Variants in ANKRD30B observed in about 807,000 individuals in gnomAD.
ANKRD30B encodes ankyrin repeat domain 30B.
ANKRD30B carries 144 observed loss-of-function variants against 202.2 expected under a neutral mutation model. That is an observed-to-expected ratio of 0.71 (90% CI 0.62 to 0.82). The LOEUF (loss-of-function observed/expected upper bound fraction) is 0.82, where lower values mean the gene tolerates loss of function less well. Ranked by LOEUF, ANKRD30B falls within the 40% of genes least tolerant of loss-of-function variation. The pLI is 0.00. For synonymous variants in ANKRD30B, 508 were observed against 561.3 expected (o/e 0.91, Z 1.34); for missense variants, 1,487 against 1,669.1 (o/e 0.89, Z 1.90).
chr18:14,860,760 A>C, the ANKRD30B span, among the ~76,000 whole-genome samples: 1 of 151,762 alleles, frequency 6.6e-6, no homozygotes, highest in South Asian at 2.1e-4. Flanking sequence ...GCTGGAGTGC[A>C]GTGGTGTGAT....
At chr18:14,751,752 A>C (rs1598556522) in intron 1 of ANKRD30B, among the ~76,000 whole-genome samples, 1 of 152,246 alleles carries the variant, frequency 6.6e-6, no homozygotes, top group East Asian at 1.9e-4. Context: ...TTGTTTTAAC[A>C]ATTTGTTGTT....
chr18:14,808,119 T>C (rs1969637633), intron 24 of ANKRD30B, among the ~76,000 whole-genome samples: 1 of 150,864 alleles, frequency 6.6e-6, no homozygotes, highest in Non-Finnish European at 1.5e-5. Flanking sequence ...TTGCAGTATA[T>C]TGACATAAGA....
intron 24 of ANKRD30B, among the ~76,000 whole-genome samples, chr18:14,808,013 C>A (rs1350483523): frequency 6.6e-6 from 1 of 151,022 alleles, no homozygotes; most frequent in Non-Finnish European, 1.5e-5. Context: ...AAATTTAGAA[C>A]ATCCTCTGCA....
rs745360038 is a variant in ANKRD30B at position 14,814,606 on chromosome 18, T to C, written c.2551-15T>C. The C allele has an allele frequency of 8.2e-7, 1 of 1,225,434 alleles. No homozygotes were observed. Among genetic ancestry groups the C allele is most frequent in the East Asian group, 2.6e-5 (1 of 39,100 alleles). 75.9% of individuals were successfully genotyped at this position (1,225,434 alleles called of 1,614,324 possible). A position where few individuals can be genotyped will look rare whatever the true frequency, so the allele number is the denominator to read the frequency against. ...TTTCTCCATTGAAATTATTTATTGA[T>C]ATTACTTTTAACAGAGTTTCCTTGA... On this transcript the variant is annotated splice_polypyrimidine_tract_variant and intron_variant, in intron 29 of 43. Transcript: ENST00000690538.
Position 14,796,387 on chromosome 18 carries a change from AT to A in ANKRD30B, c.1901del (p.Leu634Ter). On this transcript the variant is annotated frameshift_variant, in exon 18 of 44. Coordinates refer to ENST00000690538, the MANE Select transcript of ANKRD30B (RefSeq NM_001367607.2). LOFTEE classifies it high-confidence loss of function. ...TTTCTCTTCCAAATAAAGCCTTAGA[AT>A]TAAAGGACAGAGAAACATTCAAAGC... ...KVSLPNKALE[L>X]KDRETFKAES... 6.4e-7 allele frequency: 1 copy of A among 1,560,378 alleles called. No homozygotes were observed.
intron 40 of ANKRD30B, 46 bp from the exon 41 acceptor site, chr18:14,850,168 T>C (rs1337078317): frequency 1.6e-6 from 2 of 1,230,868 alleles, no homozygotes; most frequent in South Asian, 1.7e-5. Context: ...AAGTGAATTC[T>C]ATTTTCTAAC....
rs759106427 is a variant in ANKRD30B, at chr18:14,803,789, A to G, written c.2249A>G (p.Gln750Arg). The G allele has an allele frequency of 6.2e-7, 1 of 1,604,160 alleles. No homozygotes were observed. Among genetic ancestry groups the G allele is most frequent in the South Asian group, 1.1e-5 (1 of 90,006 alleles). Residue 750 changes from glutamine (Q) to arginine (R), a missense_variant, in exon 24 of 44, where the codon CAA (glutamine) becomes CGA (arginine). By Grantham distance (43) the Gln-to-Arg change is conservative. Transcript: ENST00000690538. ...GTGTGTTTACCCAAGGCTACACATC[A>G]AAAAGAATTCGATACCTTAAGTGGA... ...NDVCLPKATH[Q>R]KEFDTLSGKL...
chr18:14,848,933 T>A lies in ANKRD30B; in HGVS notation c.3395+4T>A. On this transcript the variant is annotated splice_donor_region_variant and intron_variant, in intron 40 of 43. Transcript: ENST00000690538. ...AACAAGAGCTCTGCAGTGTGAGGTA[T>A]GACATCCTAGTTTTAAATAAATATT... 1 of 1,534,418 alleles carries A rather than the reference T, an allele frequency of 6.5e-7. No homozygotes were observed. Among genetic ancestry groups the A allele is most frequent in the South Asian group, 1.3e-5 (1 of 77,328 alleles).
the ANKRD30B span, among the ~76,000 whole-genome samples, chr18:14,886,943 G>A: frequency 2.0e-5 from 3 of 152,086 alleles, no homozygotes; most frequent in East Asian, 1.9e-4. Flanking sequence ...CATCCTGGTC[G>A]TATAGGTCAA....
chr18:14,796,291 T>G (rs1266910449), intron 17 of ANKRD30B, 42 bp downstream of exon 17: 2 of 1,609,968 alleles, frequency 1.2e-6, no homozygotes. Context: ...TAACTACATA[T>G]TTTAGGAAGC....
intron 33 of ANKRD30B, chr18:14,830,198 T>C (rs537692675): frequency 1.3e-5 from 2 of 154,622 alleles, no homozygotes; most frequent in Admixed American, 6.5e-5. Context: ...GGGAGACACT[T>C]TCACTATATA....
intron 30 of ANKRD30B, among the ~76,000 whole-genome samples, chr18:14,821,462 T>C (rs1333977242): frequency 6.6e-6 from 1 of 152,080 alleles, no homozygotes; most frequent in African/African-American, 2.4e-5. Flanking sequence ...TGTTAGGGTG[T>C]TTTTTCTTTT....
At chr18:14,770,681 T>C (rs1480056211) in intron 8 of ANKRD30B, among the ~76,000 whole-genome samples, 1 of 151,924 alleles carries the variant, frequency 6.6e-6, no homozygotes, top group Admixed American at 6.6e-5. Flanking sequence ...AATTAGAGGA[T>C]CAAAAACACA....
the ANKRD30B span, among the ~76,000 whole-genome samples, chr18:14,930,449 T>C: frequency 6.6e-6 from 1 of 152,068 alleles, no homozygotes; most frequent in Non-Finnish European, 1.5e-5. Flanking sequence ...TTTCAGGCCA[T>C]GGTCTTCTCT....
the ANKRD30B span, among the ~76,000 whole-genome samples, chr18:14,929,038 G>C: frequency 6.6e-6 from 1 of 152,152 alleles, no homozygotes. Flanking sequence ...CTGGACTTCT[G>C]TTGGCTCTGT....
chr18:14,794,939 A>T (rs1175001037), intron 16 of ANKRD30B, among the ~76,000 whole-genome samples: 2 of 152,194 alleles, frequency 1.3e-5, no homozygotes, highest in Non-Finnish European at 2.9e-5. Flanking sequence ...GAAAGGAGAT[A>T]TATTTCTATT....
intron 1 of ANKRD30B, among the ~76,000 whole-genome samples, chr18:14,749,233 C>T (rs1041743338): frequency 3.9e-5 from 6 of 152,186 alleles, no homozygotes; most frequent in Admixed American, 2.0e-4. Context: ...ATGCGACTTA[C>T]CAGTTTTACA....
At chr18:14,841,418 T>C (rs1971415015) in intron 37 of ANKRD30B, among the ~76,000 whole-genome samples, 1 of 152,146 alleles carries the variant, frequency 6.6e-6, no homozygotes, top group Admixed American at 6.5e-5. Context: ...GAACAGCCTT[T>C]CCTTTGGAAA....
chr18:14,911,574 G>A, the ANKRD30B span, among the ~76,000 whole-genome samples: 1 of 151,198 alleles, frequency 6.6e-6, no homozygotes, highest in Admixed American at 6.6e-5. Flanking sequence ...CTCCTCCTTT[G>A]TTCTTTGTGC....
Sources: allele counts gnomAD v4.1 joint callset (sites outside exome capture counted in the v4.1 genomes callset), GRCh38; gene constraint gnomAD v4.1.1; transcripts MANE v1.5; gene names NCBI Gene and HGNC (gene_info 2026-07-23, HGNC 2026-07-21).